Variants in MALRD1 observed in about 807,000 individuals in gnomAD.
The protein encoded by MALRD1 is MAM and LDL-receptor class A domain-containing protein 1.
A neutral mutation model predicts 242.1 loss-of-function variants in MALRD1; 247 were observed. The ratio of observed to expected loss-of-function variants is 1.02; its 90% CI spans 0.92 to 1.13. The LOEUF is 1.13. Ranked by LOEUF, MALRD1 falls within the 50% of genes most tolerant of loss-of-function variation. The probability of loss-of-function intolerance (pLI) is 0.00; values close to 1 mark genes in which losing one functional copy is unlikely to be tolerated. For missense variants in MALRD1, 2,989 were observed against 2,533.1 expected, an observed-to-expected ratio of 1.18 and a Z score of -3.86; for synonymous variants, 995 against 866.6, an observed-to-expected ratio of 1.15 and a Z score of -2.60.
intron 36 of MALRD1, among the ~76,000 whole-genome samples, chr10:19,616,434 T>C (rs959128153): frequency 8.6e-5 from 13 of 152,006 alleles, no homozygotes; most frequent in African/African-American, 4.8e-5. Flanking sequence ...TAAACAAAAA[T>C]AGGCGTTGTG....
intron 36 of MALRD1, among the ~76,000 whole-genome samples, chr10:19,670,336 C>G (rs1197447115): frequency 6.6e-6 from 1 of 152,164 alleles, no homozygotes; most frequent in Non-Finnish European, 1.5e-5. Context: ...CATCAGCCAG[C>G]CTTCACCTGT....
At chr10:19,682,142 A>C (rs935988088) in intron 36 of MALRD1, among the ~76,000 whole-genome samples, 1 of 152,228 alleles carries the variant, frequency 6.6e-6, no homozygotes, top group Non-Finnish European at 1.5e-5. Flanking sequence ...AGTTGATTAA[A>C]AGTAATCAAC....
chr10:19,094,199 T>C lies in MALRD1; in HGVS notation c.597+6014T>C, dbSNP rs1200233053. 1.9e-5 allele frequency among the ~76,000 whole-genome samples: 2 copies of C among 105,320 alleles called. 1 individual carries two copies. The highest frequency in any genetic ancestry group is 5.8e-4 in the East Asian group (2 of 3,478). 69.1% of individuals were successfully genotyped at this position (105,320 alleles called of 152,430 possible). On this transcript the variant is annotated intron_variant, in intron 4 of 39. Coordinates refer to ENST00000454679, the MANE Select transcript of MALRD1 (RefSeq NM_001142308.3). ...GGCGCCCCTCCCCCAGCCTCGTTGC[T>C]GCCTTTCAGTTTGATCTCAGACTGC...
Position 19,257,566 on chromosome 10 carries a change from A to G in MALRD1, c.2992-118A>G, listed in dbSNP as rs555522262. 6.0e-5 allele frequency: 46 copies of G among 770,454 alleles called. No individual in the cohort carries two copies. In the African/African-American group the frequency reaches 7.6e-4, roughly 13 times the overall value. The allele number at this position is 770,454 out of a possible 1,614,324, so 47.7% of individuals were successfully genotyped here. A position where few individuals can be genotyped will look rare whatever the true frequency, so the allele number is the denominator to read the frequency against. On this transcript the variant is annotated intron_variant, in intron 18 of 39. Transcript: ENST00000454679. Reference sequence around the variant, plus strand: ...GAGACTACTGCAAAGCAGTTTTTTAATGGCACAGAAGGTTATATTTGGGTA... The same window carrying G: ...GAGACTACTGCAAAGCAGTTTTTTAGTGGCACAGAAGGTTATATTTGGGTA...
At chr10:19,054,139 G>T (rs935367605) in intron 1 of MALRD1, among the ~76,000 whole-genome samples, 5 of 152,004 alleles carry the variant, frequency 3.3e-5, no homozygotes, top group African/African-American at 4.8e-5. Context: ...TTTAAAAATA[G>T]CTTTTAAGTC....
intron 29 of MALRD1, among the ~76,000 whole-genome samples, chr10:19,481,317 T>C (rs147917013): frequency 3.9e-5 from 6 of 152,342 alleles, no homozygotes; most frequent in African/African-American, 1.4e-4. Context: ...AATTGCCTGA[T>C]ATGTGCATTG....
intron 14 of MALRD1, among the ~76,000 whole-genome samples, chr10:19,202,464 TA>T (rs1192007902): frequency 6.6e-6 from 1 of 152,202 alleles, no homozygotes; most frequent in African/African-American, 2.4e-5. Context: ...ATGATATTTT[TA>T]TCATTGGGTT....
chr10:19,119,289 A>G (rs1183299617), intron 5 of MALRD1, among the ~76,000 whole-genome samples: 2 of 152,192 alleles, frequency 1.3e-5, no homozygotes, highest in Non-Finnish European at 2.9e-5. Context: ...TAACCGCCCA[A>G]GGGGTTCACC....
intron 26 of MALRD1, among the ~76,000 whole-genome samples, chr10:19,352,868 T>G (rs1844454433): frequency 6.6e-6 from 1 of 152,176 alleles, no homozygotes; most frequent in Non-Finnish European, 1.5e-5. Flanking sequence ...GATACAATGT[T>G]GTAAGTAGTA....
chr10:19,622,767 CTTA>C lies in MALRD1; in HGVS notation c.6137+6851_6137+6853del, dbSNP rs998661784. 3.3e-5 allele frequency among the ~76,000 whole-genome samples: 5 copies of C among 151,576 alleles called. 1 individual carries two copies. Among genetic ancestry groups the C allele is most frequent in the Admixed American group, 3.3e-4 (5 of 15,220 alleles). The stretch of plus-strand genomic sequence containing the variant: ...CTACCAATATCAATAGAATAAAGCT[CTTA>C]TTATTAAACTGTATTATACAGGCAT... On this transcript the variant is annotated intron_variant, in intron 36 of 39. Coordinates refer to ENST00000454679, the MANE Select transcript of MALRD1 (RefSeq NM_001142308.3).
intron 28 of MALRD1, among the ~76,000 whole-genome samples, chr10:19,442,953 CT>C (rs935154689): frequency 6.6e-6 from 1 of 152,068 alleles, no homozygotes; most frequent in Admixed American, 6.6e-5. Flanking sequence ...TCGTCCTGGA[CT>C]TTTTTTGGTT....
intron 31 of MALRD1, among the ~76,000 whole-genome samples, chr10:19,511,202 T>G (rs1225910045): frequency 2.6e-5 from 4 of 152,214 alleles, no homozygotes; most frequent in Non-Finnish European, 5.9e-5. Flanking sequence ...AAAATTGAAT[T>G]GTATAGATCA....
chr10:19,244,102 A>G (rs72796408), intron 18 of MALRD1, among the ~76,000 whole-genome samples: 13,256 of 152,234 alleles, frequency 0.087, 658 homozygotes, highest in Middle Eastern at 0.11. Flanking sequence ...ACTAAGATCC[A>G]GTTTTCTAAG....
chr10:19,343,542 T>C (rs1156499144), intron 24 of MALRD1, among the ~76,000 whole-genome samples: 2 of 152,146 alleles, frequency 1.3e-5, no homozygotes, highest in South Asian at 2.1e-4. Context: ...CTTTGTTTTA[T>C]ATCTCTTTGC....
chr10:19,493,748 G>T (rs1837595417), intron 30 of MALRD1, among the ~76,000 whole-genome samples: 1 of 152,046 alleles, frequency 6.6e-6, no homozygotes, highest in African/African-American at 2.4e-5. Flanking sequence ...GGGAGGTGGA[G>T]GTTGCAGTGA....
intron 14 of MALRD1, among the ~76,000 whole-genome samples, chr10:19,201,940 C>G (rs773882223): frequency 6.6e-6 from 1 of 152,122 alleles, no homozygotes; most frequent in East Asian, 1.9e-4. Flanking sequence ...CTCAGCCTCC[C>G]GAGTAGCTGG....
At position 19,592,677 on chromosome 10, in the gene MALRD1, C is replaced by T. The variant is rs116891335; in HGVS notation, c.5681-2517C>T. On this transcript the variant is annotated intron_variant, in intron 33 of 39. Transcript: ENST00000454679. Reference sequence around the variant, plus strand: ...CTGCTTTTAATGCAATGCCTACCTCCGAAAGGAGAAAATTTTATTTTTGCA... The same window carrying T: ...CTGCTTTTAATGCAATGCCTACCTCTGAAAGGAGAAAATTTTATTTTTGCA... Among the ~76,000 whole-genome samples, 1,123 of 149,430 alleles carry T rather than the reference C, an allele frequency of 7.5e-3. 6 individuals carry two copies. The highest frequency in any genetic ancestry group is 0.015 in the African/African-American group (610 of 40,784).
chr10:19,472,125 T>C (rs907131948), intron 29 of MALRD1, among the ~76,000 whole-genome samples: 12 of 152,058 alleles, frequency 7.9e-5, no homozygotes, highest in African/African-American at 2.9e-4. Context: ...ATGTTGAAAT[T>C]TGTCAAATGC....
Position 19,323,982 on chromosome 10 carries a change from C to G in MALRD1, c.3453C>G (p.Asp1151Glu). 4.5e-6 allele frequency: 7 copies of G among 1,550,768 alleles called. No homozygotes were observed. Among genetic ancestry groups the G allele is most frequent in the South Asian group, 1.2e-5 (1 of 84,038 alleles). Residue 1151 changes from aspartate (D) to glutamate (E), a missense_variant, in exon 22 of 40, where the codon GAC (aspartate) becomes GAG (glutamate). Coordinates refer to ENST00000454679, the MANE Select transcript of MALRD1 (RefSeq NM_001142308.3). ...CTGATGGCTGGTACCTGTATGCTGA[C>G]AGTTCTAATGGGAAATTTGGTGACA... ...NTTDGWYLYA[D>E]SSNGKFGDTA... is the part of the protein sequence containing the mutation.
Sources: allele counts gnomAD v4.1 joint callset (sites outside exome capture counted in the v4.1 genomes callset), GRCh38; gene constraint gnomAD v4.1.1; transcripts MANE v1.5; gene names NCBI Gene and HGNC (gene_info 2026-07-23, HGNC 2026-07-21).